Variants in FAF1 observed in about 807,000 individuals in gnomAD.
FAF1 encodes Fas associated factor 1.
In FAF1, 25 loss-of-function variants were observed where a neutral mutation model predicts 92.5. The ratio of observed to expected loss-of-function variants is 0.27; its 90% CI spans 0.20 to 0.38. The LOEUF is 0.38. Ranked by LOEUF, FAF1 falls within the 10% of genes least tolerant of loss-of-function variation. FAF1 has a pLI of 1.00. For missense variants in FAF1, 636 were observed against 793.3 expected, an observed-to-expected ratio of 0.80 and a Z score of 2.38; for synonymous variants, 234 against 273.2, an observed-to-expected ratio of 0.86 and a Z score of 1.42.
intron 17 of FAF1, among the ~76,000 whole-genome samples, chr1:50,489,895 C>T (rs1463254202): frequency 1.8e-4 from 7 of 38,700 alleles, no homozygotes; most frequent in Non-Finnish European, 3.4e-4. Flanking sequence ...TATTTGCCAA[C>T]AAATATTTGT....
At chr1:50,530,722 G>T (rs1648120902) in intron 15 of FAF1, among the ~76,000 whole-genome samples, 1 of 152,130 alleles carries the variant, frequency 6.6e-6, no homozygotes, top group South Asian at 2.1e-4. Context: ...CGCATTGCAT[G>T]CCTGTATCAA....
At chr1:50,545,342 T>C (rs193209838) in intron 13 of FAF1, among the ~76,000 whole-genome samples, 2 of 152,304 alleles carry the variant, frequency 1.3e-5, no homozygotes, top group East Asian at 3.9e-4. Context: ...TGATGCCATC[T>C]TGGCTTACTG....
intron 1 of FAF1, among the ~76,000 whole-genome samples, chr1:50,905,386 T>C (rs1644828554): frequency 6.6e-6 from 1 of 152,234 alleles, no homozygotes; most frequent in Non-Finnish European, 1.5e-5. Flanking sequence ...TCATAATCCT[T>C]TGGATATATA....
chr1:50,559,059 C>T lies in FAF1; in HGVS notation c.1268+8018G>A, dbSNP rs748314729. Among the ~76,000 whole-genome samples the T allele has an allele frequency of 4.6e-5, 7 of 151,990 alleles. No homozygotes were observed. The South Asian group carries it at 6.2e-4, about 14-fold the overall frequency. ...TGAGGTCAGGGGTTCGAGATCAGCC[C>T]GACCTACAAGGTGAAACCCCATCTC... On this transcript the variant is annotated intron_variant, in intron 13 of 18. Transcript: ENST00000396153.
chr1:50,836,085 A>T (rs533411589), intron 2 of FAF1, among the ~76,000 whole-genome samples: 169 of 152,124 alleles, frequency 1.1e-3, no homozygotes, highest in African/African-American at 3.9e-3. Flanking sequence ...TATTTCACAA[A>T]ACAGAAATAG....
At chr1:50,523,655 A>C (rs1647628673) in intron 15 of FAF1, among the ~76,000 whole-genome samples, 1 of 152,204 alleles carries the variant, frequency 6.6e-6, no homozygotes, top group Non-Finnish European at 1.5e-5. Flanking sequence ...TATTTAATAT[A>C]TTCTGGATAT....
chr1:50,467,695 A>G (rs1159631256), intron 18 of FAF1, among the ~76,000 whole-genome samples: 1 of 152,196 alleles, frequency 6.6e-6, no homozygotes. Flanking sequence ...ATAAGGATTA[A>G]GAACACAGGC....
intron 3 of FAF1, among the ~76,000 whole-genome samples, chr1:50,790,720 T>G (rs182083449): frequency 6.6e-6 from 1 of 152,074 alleles, no homozygotes; most frequent in Admixed American, 6.5e-5. Context: ...CTCTAAAACA[T>G]CTTTCCTCTC....
At chr1:50,585,477 A>G (rs540383979) in intron 9 of FAF1, among the ~76,000 whole-genome samples, 3 of 152,304 alleles carry the variant, frequency 2.0e-5, no homozygotes, top group South Asian at 2.1e-4. Context: ...AGCAACATCA[A>G]TTGAAAAGGT....
intron 2 of FAF1, among the ~76,000 whole-genome samples, chr1:50,802,015 C>T (rs1662011299): frequency 6.6e-6 from 1 of 152,068 alleles, no homozygotes; most frequent in African/African-American, 2.4e-5. Context: ...ATCTTATAAA[C>T]ATTATTTCCT....
intron 4 of FAF1, among the ~76,000 whole-genome samples, chr1:50,780,011 C>G (rs1451408494): frequency 6.6e-6 from 1 of 151,964 alleles, no homozygotes; most frequent in African/African-American, 2.4e-5. Flanking sequence ...CACACACACA[C>G]ACACACACAC....
At chr1:50,471,910 T>A (rs1292406675) in intron 18 of FAF1, among the ~76,000 whole-genome samples, 1 of 150,464 alleles carries the variant, frequency 6.6e-6, no homozygotes, top group African/African-American at 2.5e-5. Flanking sequence ...AAGGGAAGAA[T>A]GGAAAGATGG....
At chr1:50,555,053 C>CA (rs946715409) in intron 13 of FAF1, among the ~76,000 whole-genome samples, 70 of 146,818 alleles carry the variant, frequency 4.8e-4, no homozygotes, top group South Asian at 4.7e-3. Flanking sequence ...CCTGTCTCTA[C>CA]AAAAAAAAAA....
intron 6 of FAF1, among the ~76,000 whole-genome samples, chr1:50,712,592 G>A (rs532455485): frequency 2.0e-5 from 3 of 152,136 alleles, no homozygotes; most frequent in Non-Finnish European, 4.4e-5. Flanking sequence ...GGAGGCAGAG[G>A]TTGCAGTGAG....
intron 7 of FAF1, among the ~76,000 whole-genome samples, chr1:50,681,147 A>T (rs1199570560): frequency 6.6e-6 from 1 of 152,066 alleles, no homozygotes; most frequent in Non-Finnish European, 1.5e-5. Flanking sequence ...CCCAGGTTCA[A>T]ATGATTCTTC....
At position 50,662,894 on chromosome 1, in the gene FAF1, G is replaced by T. The variant is rs569229232; in HGVS notation, c.658-7366C>A. On this transcript the variant is annotated intron_variant, in intron 7 of 18. Coordinates refer to ENST00000396153, the MANE Select transcript of FAF1 (RefSeq NM_007051.3). ...TTTTTGTATTTTTAGTAGAGATGGG[G>T]TTTCACCATTCACAGGATGGTCTCC... is the stretch of plus-strand genomic sequence containing the variant. 2.0e-5 allele frequency among the ~76,000 whole-genome samples: 3 copies of T among 151,080 alleles called. No individual in the cohort carries two copies. The East Asian group carries it at 5.8e-4, about 29-fold the overall frequency.
At chr1:50,767,004 T>C (rs1036502485) in intron 4 of FAF1, among the ~76,000 whole-genome samples, 3 of 151,944 alleles carry the variant, frequency 2.0e-5, no homozygotes, top group Non-Finnish European at 2.9e-5. Context: ...GAATTCAGAA[T>C]ATGGATAAGA....
At chr1:50,836,109 ACT>A (rs533298653) in intron 2 of FAF1, among the ~76,000 whole-genome samples, 1 of 140,464 alleles carries the variant, frequency 7.1e-6, no homozygotes, top group East Asian at 2.1e-4. Context: ...GTACATAAAT[ACT>A]CTCTCTGTAT....
intron 15 of FAF1, among the ~76,000 whole-genome samples, chr1:50,511,697 G>T (rs752020986): frequency 2.6e-5 from 4 of 152,116 alleles, no homozygotes; most frequent in Non-Finnish European, 5.9e-5. Context: ...GGACAGTGCT[G>T]CAATAAACAT....
Sources: allele counts gnomAD v4.1 joint callset (sites outside exome capture counted in the v4.1 genomes callset), GRCh38; gene constraint gnomAD v4.1.1; transcripts MANE v1.5; gene names NCBI Gene and HGNC (gene_info 2026-07-23, HGNC 2026-07-21).